CHCHD6: variants seen among roughly 807,000 people sequenced by gnomAD.
CHCHD6 encodes the protein MICOS complex subunit MIC25.
In CHCHD6, 28 loss-of-function variants were observed where a neutral mutation model predicts 32.3. The observed-to-expected ratio is 0.87, with a 90% CI of 0.64 to 1.19. The LOEUF (loss-of-function observed/expected upper bound fraction) is 1.19. Among genes scored for constraint, CHCHD6 ranks in the 50% most tolerant of loss-of-function variants. The pLI, the probability that CHCHD6 is intolerant of heterozygous loss-of-function variation, is 0.00. For missense variants in CHCHD6, 333 were observed against 307.0 expected, an observed-to-expected ratio of 1.08 and a Z score of -0.63; for synonymous variants, 122 against 117.5, an observed-to-expected ratio of 1.04 and a Z score of -0.25.
In CHCHD6 at chr3:126,834,603, G is replaced by A. The variant is rs77907609; in HGVS notation, c.412-18044G>A. On this transcript the variant is annotated intron_variant, in intron 4 of 7. Coordinates refer to ENST00000290913, the MANE Select transcript of CHCHD6 (RefSeq NM_032343.3). ...CTGCTGTTGCTGTGGTCTCCGTCAA[G>A]CCAATCTCTATCAGTCCCTCCTTTC... Among the ~76,000 whole-genome samples the A allele has an allele frequency of 1.8e-3, 269 of 152,270 alleles. 1 individual carries two copies. Among genetic ancestry groups the A allele is most frequent in the African/African-American group, 6.2e-3 (256 of 41,562 alleles).
At chr3:126,797,006 C>T (rs921453945) in intron 4 of CHCHD6, among the ~76,000 whole-genome samples, 10 of 152,162 alleles carry the variant, frequency 6.6e-5, no homozygotes, top group African/African-American at 2.4e-4. Flanking sequence ...TTTGCCTATT[C>T]CTTGCCCTAG....
chr3:126,951,386 A>G (rs2078713685), intron 6 of CHCHD6, among the ~76,000 whole-genome samples: 1 of 152,244 alleles, frequency 6.6e-6, no homozygotes, highest in South Asian at 2.1e-4. Context: ...TCATGTAACT[A>G]AGGGAAGACT....
At chr3:126,910,568 A>AGGTGTAT (rs1247252805) in intron 5 of CHCHD6, among the ~76,000 whole-genome samples, 1 of 152,254 alleles carries the variant, frequency 6.6e-6, no homozygotes, top group Non-Finnish European at 1.5e-5. Context: ...TAAAATGGAT[A>AGGTGTAT]CACCCTTTGA....
At chr3:126,825,090 T>G (rs1250760119) in intron 4 of CHCHD6, among the ~76,000 whole-genome samples, 3 of 152,222 alleles carry the variant, frequency 2.0e-5, no homozygotes, top group African/African-American at 7.2e-5. Context: ...TTTGCTTTTT[T>G]CCACAATTTG....
At chr3:126,881,241 A>G (rs2077605261) in intron 5 of CHCHD6, among the ~76,000 whole-genome samples, 1 of 152,236 alleles carries the variant, frequency 6.6e-6, no homozygotes, top group Non-Finnish European at 1.5e-5. Flanking sequence ...TACAATGGGT[A>G]GAGCCTGTTT....
chr3:126,932,939 ACTGCTT>A (rs2078427640), intron 6 of CHCHD6, among the ~76,000 whole-genome samples: 1 of 152,034 alleles, frequency 6.6e-6, no homozygotes, highest in African/African-American at 2.4e-5. Context: ...ATTGTTGTTT[ACTGCTT>A]CTGAAAGGAG....
At chr3:126,793,658 G>T (rs1675204368) in intron 4 of CHCHD6, among the ~76,000 whole-genome samples, 1 of 152,102 alleles carries the variant, frequency 6.6e-6, no homozygotes, top group African/African-American at 2.4e-5. Context: ...ACTTTCCATT[G>T]TTCTTTCTTC....
At position 126,858,918 on chromosome 3, in the gene CHCHD6, C is replaced by G. The variant is rs533729810; in HGVS notation, c.495+6188C>G. On this transcript the variant is annotated intron_variant, in intron 5 of 7. Transcript: ENST00000290913. ...CCTCACTGGAGTGCCCCATAGGCAC[C>G]GCAGAATCGCCTGCTGCTCCGTTGT... Among the ~76,000 whole-genome samples, 11 of 152,280 alleles carry G rather than the reference C, an allele frequency of 7.2e-5. 1 individual carries two copies. In the South Asian group the frequency reaches 2.3e-3, roughly 32 times the overall value.
intron 5 of CHCHD6, among the ~76,000 whole-genome samples, chr3:126,872,845 T>C (rs1423556979): frequency 2.6e-5 from 4 of 152,256 alleles, no homozygotes; most frequent in Non-Finnish European, 5.9e-5. Flanking sequence ...TGTGGTCTGC[T>C]GAGGCAGGGA....
At chr3:126,792,530 G>T (rs1338156872) in intron 4 of CHCHD6, among the ~76,000 whole-genome samples, 1 of 151,954 alleles carries the variant, frequency 6.6e-6, no homozygotes, top group Admixed American at 6.6e-5. Context: ...GGTTTGTTTA[G>T]AACTGTACTG....
At chr3:126,948,059 A>G (rs73209658) in intron 6 of CHCHD6, among the ~76,000 whole-genome samples, 2,041 of 152,264 alleles carry the variant, frequency 0.013, 19 homozygotes, top group African/African-American at 0.024. Context: ...GAAAGTGCAC[A>G]CTGCTCTCAG....
At chr3:126,775,693 T>C (rs149868010) in intron 4 of CHCHD6, among the ~76,000 whole-genome samples, 1,816 of 152,336 alleles carry the variant, frequency 0.012, 20 homozygotes, top group Middle Eastern at 0.048. Flanking sequence ...AAAGTCCCCA[T>C]GTAACTCAGA....
At chr3:126,810,071 G>A (rs1939594376) in intron 4 of CHCHD6, among the ~76,000 whole-genome samples, 1 of 152,164 alleles carries the variant, frequency 6.6e-6, no homozygotes, top group African/African-American at 2.4e-5. Flanking sequence ...GAATCAGAGT[G>A]TCTTCATACA....
chr3:126,741,837 T>G (rs1936298747), intron 4 of CHCHD6, among the ~76,000 whole-genome samples: 2 of 152,196 alleles, frequency 1.3e-5, no homozygotes, highest in African/African-American at 4.8e-5. Flanking sequence ...ATGTGAAGTG[T>G]TCCTGCCAGG....
intron 4 of CHCHD6, among the ~76,000 whole-genome samples, chr3:126,773,823 C>T (rs1937588275): frequency 6.6e-6 from 1 of 151,994 alleles, no homozygotes; most frequent in African/African-American, 2.4e-5. Context: ...CCAGGCTGGT[C>T]TTGAACACCT....
chr3:126,824,639 T>G (rs902773788), intron 4 of CHCHD6, among the ~76,000 whole-genome samples: 1 of 149,868 alleles, frequency 6.7e-6, no homozygotes, highest in Non-Finnish European at 1.5e-5. Flanking sequence ...CAGGCTGGAA[T>G]GAAATGGCAC....
intron 5 of CHCHD6, among the ~76,000 whole-genome samples, chr3:126,870,518 G>T (rs1051723804): frequency 6.6e-6 from 1 of 152,102 alleles, no homozygotes; most frequent in Non-Finnish European, 1.5e-5. Context: ...CATCCTTCAC[G>T]TCCTGGTGCC....
intron 6 of CHCHD6, among the ~76,000 whole-genome samples, chr3:126,951,531 C>T (rs2107607972): frequency 6.6e-6 from 1 of 152,202 alleles, no homozygotes. Context: ...GAAGGTTGTA[C>T]CGAAACTTAT....
intron 1 of CHCHD6, among the ~76,000 whole-genome samples, chr3:126,708,671 T>A (rs1451803123): frequency 1.3e-5 from 2 of 150,436 alleles, no homozygotes; most frequent in African/African-American, 4.9e-5. Flanking sequence ...AAAAAAAGCT[T>A]TATTGGGATG....
Sources: allele counts gnomAD v4.1 joint callset (sites outside exome capture counted in the v4.1 genomes callset), GRCh38; gene constraint gnomAD v4.1.1; transcripts MANE v1.5; gene names NCBI Gene and HGNC (gene_info 2026-07-23, HGNC 2026-07-21).